The following RAPH1 variants were observed in gnomAD, a reference collection of about 807,000 sequenced individuals.
The protein encoded by RAPH1 is ras-associated and pleckstrin homology domains-containing protein 1.
In RAPH1, 18 loss-of-function variants were observed where a neutral mutation model predicts 88.1. The observed-to-expected ratio is 0.20, with a 90% CI of 0.14 to 0.30. RAPH1 has a LOEUF of 0.30. Among genes scored for constraint, RAPH1 ranks in the 10% least tolerant of loss-of-function variants. RAPH1 has a pLI of 1.00. For missense variants in RAPH1, 1,448 were observed against 1,543.2 expected, an observed-to-expected ratio of 0.94 and a Z score of 1.03; for synonymous variants, 587 against 559.0, an observed-to-expected ratio of 1.05 and a Z score of -0.71.
Position 203,441,258 on chromosome 2 carries a change from G to GA in RAPH1, c.1931_1932insT (p.Pro646SerfsTer40). The GA allele has an allele frequency of 1.5e-6, 2 of 1,293,756 alleles. No individual in the cohort carries two copies. Among genetic ancestry groups the GA allele is most frequent in the Non-Finnish European group, 2.1e-6 (2 of 948,418 alleles). 80.1% of individuals were successfully genotyped at this position (1,293,756 alleles called of 1,614,324 possible). On this transcript the variant is annotated frameshift_variant, in exon 14 of 14. Transcript: ENST00000319170. LOFTEE classifies it low-confidence loss of function (END_TRUNC). Reference sequence around the variant, plus strand: ...ACTGGCTGGGGAGTGGGGGAGGAGGGGGTGGTGGAGGGGGTGGTGGAGGAG... The same window carrying GA: ...ACTGGCTGGGGAGTGGGGGAGGAGGGAGGTGGTGGAGGGGGTGGTGGAGGAG...
intron 4 of RAPH1, among the ~76,000 whole-genome samples, chr2:203,488,209 C>T (rs184016244): frequency 6.6e-6 from 1 of 152,218 alleles, no homozygotes; most frequent in Admixed American, 6.5e-5. Flanking sequence ...CTATCTTATC[C>T]AGTCACATGC....
chr2:203,491,291 G>C lies in RAPH1; in HGVS notation c.149C>G (p.Pro50Arg). 6.2e-7 allele frequency: 1 copy of C among 1,612,994 alleles called. No individual in the cohort carries two copies. The highest frequency in any genetic ancestry group is 8.5e-7 in the Non-Finnish European group (1 of 1,179,406). The change falls in exon 3 of 14, where the codon CCA (proline) becomes CGA (arginine). Residue 50 changes from proline (P) to arginine (R), a missense_variant. Transcript: ENST00000319170. Reference protein sequence around the residue: ...QSLDSDKPMEPVKRSPLRQET... With the variant: ...QSLDSDKPMERVKRSPLRQET... ...CTGGCGAAGAGGAGATCTTTTTACTGGTTCCATGGGCTTGTCAGAATCCAA... is the reference window on the plus strand; with the variant it reads ...CTGGCGAAGAGGAGATCTTTTTACTCGTTCCATGGGCTTGTCAGAATCCAA...
At chr2:203,477,012 T>C in intron 4 of RAPH1, 3 of 1,109,126 alleles carry the variant, frequency 2.7e-6, no homozygotes, top group East Asian at 2.4e-5. Flanking sequence ...GTTTCATCAT[T>C]TGGAGGTCTA....
At chr2:203,485,623 G>A (rs1254225710) in intron 4 of RAPH1, among the ~76,000 whole-genome samples, 1 of 152,076 alleles carries the variant, frequency 6.6e-6, no homozygotes, top group African/African-American at 2.4e-5. Context: ...CCAGGAGAAG[G>A]AAAACCCAAG....
chr2:203,442,163 T>C, intron 13 of RAPH1: 1 of 1,391,322 alleles, frequency 7.2e-7, no homozygotes, highest in East Asian at 2.5e-5. Flanking sequence ...CAGAAGAAAT[T>C]AAGAGGAAGC....
intron 2 of RAPH1, among the ~76,000 whole-genome samples, chr2:203,491,961 G>T (rs1398758945): frequency 1.3e-5 from 2 of 152,196 alleles, no homozygotes; most frequent in Non-Finnish European, 2.9e-5. Flanking sequence ...AGAAATAGGT[G>T]TGATGGCTCA....
intron 1 of RAPH1, among the ~76,000 whole-genome samples, chr2:203,502,097 G>A (rs1688763465): frequency 6.6e-6 from 1 of 152,236 alleles, no homozygotes; most frequent in South Asian, 2.1e-4. Context: ...AGGAAGCAAT[G>A]TGCTATGCTA....
At chr2:203,482,690 C>T (rs961430272) in intron 4 of RAPH1, among the ~76,000 whole-genome samples, 5 of 152,014 alleles carry the variant, frequency 3.3e-5, no homozygotes, top group Admixed American at 2.6e-4. Context: ...GAGGACCCAG[C>T]TACTCAGGAA....
intron 1 of RAPH1, among the ~76,000 whole-genome samples, chr2:203,529,605 C>G (rs1467018532): frequency 6.6e-6 from 1 of 152,160 alleles, no homozygotes; most frequent in Admixed American, 6.5e-5. Flanking sequence ...TCAGGCAATC[C>G]ACCCACCTTG....
Position 203,438,343 on chromosome 2 carries a change from A to G in RAPH1, c.*1094T>C. ...CTCTCATCACCCTTCCCTTCTATAG[A>G]GCAATGCTCAAAAAATGCATTTTAG... On this transcript the variant is annotated 3_prime_UTR_variant, in exon 14 of 14. Transcript: ENST00000319170. 2.9e-6 allele frequency: 1 copy of G among 341,556 alleles called. No individual in the cohort carries two copies. Among genetic ancestry groups the G allele is most frequent in the Non-Finnish European group, 5.8e-6 (1 of 172,472 alleles). 21.2% of individuals were successfully genotyped at this position (341,556 alleles called of 1,614,324 possible).
intron 13 of RAPH1, chr2:203,442,672 G>A (rs955368701): frequency 6.6e-6 from 1 of 152,298 alleles, no homozygotes. Context: ...TGGCACCTGA[G>A]ACTGAGGTAA....
intron 1 of RAPH1, among the ~76,000 whole-genome samples, chr2:203,527,570 G>A (rs1441918406): frequency 2.0e-5 from 3 of 151,916 alleles, no homozygotes; most frequent in Non-Finnish European, 4.4e-5. Context: ...AGGCTGAGGT[G>A]GGCGGATCAC....
intron 4 of RAPH1, among the ~76,000 whole-genome samples, chr2:203,486,004 CT>C (rs1412570707): frequency 2.0e-5 from 3 of 150,896 alleles, no homozygotes; most frequent in Admixed American, 1.3e-4. Flanking sequence ...TACTAAAACA[CT>C]GGCAGCCAGC....
At chr2:203,442,290 T>A in intron 13 of RAPH1, 1 of 431,290 alleles carries the variant, frequency 2.3e-6, no homozygotes, top group South Asian at 5.3e-5. Context: ...GTGGAGCTAA[T>A]CATGCACGAT....
At chr2:203,506,850 C>CTATA (rs1386285913) in intron 1 of RAPH1, among the ~76,000 whole-genome samples, 65 of 75,474 alleles carry the variant, frequency 8.6e-4, no homozygotes, top group Non-Finnish European at 1.3e-3. Flanking sequence ...ATATATCTAT[C>CTATA]TATATCTATA....
intron 4 of RAPH1, among the ~76,000 whole-genome samples, chr2:203,468,401 G>T (rs1353076962): frequency 2.0e-5 from 3 of 151,986 alleles, no homozygotes; most frequent in Admixed American, 1.3e-4. Flanking sequence ...CTTGACTTAT[G>T]TACATGGAAC....
Position 203,459,966 on chromosome 2 carries a change from G to A in RAPH1, c.1033C>T (p.Gln345Ter), listed in dbSNP as rs373759173. Residue 345 changes from glutamine to a stop codon, truncating the protein, a stop_gained, in exon 7 of 14, where the codon CAA becomes TAA. Coordinates refer to ENST00000319170, the MANE Select transcript of RAPH1 (RefSeq NM_213589.3). LOFTEE classifies it high-confidence loss of function. ...ENLLNWTRDS[Q>*]NKLIFMERIE... The stretch of plus-strand genomic sequence containing the variant: ...CGCTCCATAAATATAAGCTTGTTTT[G>A]GCTATCTCTTGTCCAATTAAGAAGA... 1 of 1,610,474 alleles carries A rather than the reference G, an allele frequency of 6.2e-7. No homozygotes were observed. The highest frequency in any genetic ancestry group is 1.3e-5 in the African/African-American group (1 of 74,740).
intron 1 of RAPH1, among the ~76,000 whole-genome samples, chr2:203,524,480 A>C (rs568076843): frequency 6.6e-6 from 1 of 152,330 alleles, no homozygotes; most frequent in East Asian, 1.9e-4. Context: ...ATTTCTATCA[A>C]AGGTGCCTGG....
At chr2:203,465,310 A>T (rs2098527611) in intron 4 of RAPH1, among the ~76,000 whole-genome samples, 1 of 152,222 alleles carries the variant, frequency 6.6e-6, no homozygotes, top group Non-Finnish European at 1.5e-5. Flanking sequence ...TTCAGCACTA[A>T]AATGAAATGA....
Sources: allele counts gnomAD v4.1 joint callset (sites outside exome capture counted in the v4.1 genomes callset), GRCh38; gene constraint gnomAD v4.1.1; transcripts MANE v1.5; gene names NCBI Gene and HGNC (gene_info 2026-07-23, HGNC 2026-07-21).